FRMD4A: variants seen among roughly 807,000 people sequenced by gnomAD.
The protein encoded by FRMD4A is FERM domain containing 4A.
Under a neutral mutation model 129.1 loss-of-function variants are expected in FRMD4A, and 29 were observed. The observed-to-expected ratio is 0.22, with a 90% CI of 0.17 to 0.31. The LOEUF (loss-of-function observed/expected upper bound fraction) is 0.31. Among genes scored for constraint, FRMD4A ranks in the 10% least tolerant of loss-of-function variants. The pLI, the probability that FRMD4A is intolerant of heterozygous loss-of-function variation, is 1.00. For synonymous variants in FRMD4A, 634 were observed against 571.6 expected (o/e 1.11, Z -1.56); for missense variants, 1,272 against 1,375.8 (o/e 0.92, Z 1.19).
chr10:13,894,636 C>T (rs1312987044), intron 2 of FRMD4A, among the ~76,000 whole-genome samples: 3 of 152,204 alleles, frequency 2.0e-5, no homozygotes, highest in Non-Finnish European at 4.4e-5. Flanking sequence ...TTCCTGCTTC[C>T]TCTCCCTGGA....
intron 12 of FRMD4A, among the ~76,000 whole-genome samples, chr10:13,717,692 G>GTTTTTTTTTT (rs35059886): frequency 3.1e-5 from 3 of 95,242 alleles, no homozygotes; most frequent in Non-Finnish European, 5.7e-5. Flanking sequence ...TGTTGTTCTT[G>GTTTTTTTTTT]TTTTTTTTTT....
intron 3 of FRMD4A, among the ~76,000 whole-genome samples, chr10:13,845,266 T>C (rs973176613): frequency 2.0e-5 from 3 of 152,154 alleles, no homozygotes; most frequent in African/African-American, 4.8e-5. Context: ...CCTTGACACA[T>C]GAGTTATATA....
At chr10:13,780,068 G>C (rs572573172) in intron 6 of FRMD4A, among the ~76,000 whole-genome samples, 55 of 152,316 alleles carry the variant, frequency 3.6e-4, no homozygotes, top group African/African-American at 1.3e-3. Flanking sequence ...GCTCACACCT[G>C]TAATCCCAAC....
At chr10:13,993,851 T>TA (rs1565164639) in intron 2 of FRMD4A, among the ~76,000 whole-genome samples, 7 of 147,742 alleles carry the variant, frequency 4.7e-5, no homozygotes, top group East Asian at 4.2e-4. Context: ...TTTTTTTTTT[T>TA]TAAAAAAATA....
intron 2 of FRMD4A, among the ~76,000 whole-genome samples, chr10:14,245,890 G>A (rs1183533570): frequency 2.0e-5 from 3 of 152,134 alleles, no homozygotes; most frequent in African/African-American, 7.2e-5. Context: ...TCCAGTGCGG[G>A]GAGCCAGACC....
intron 2 of FRMD4A, among the ~76,000 whole-genome samples, chr10:14,273,059 TACACACACAC>T (rs59318900): frequency 2.6e-4 from 38 of 144,006 alleles, no homozygotes; most frequent in Non-Finnish European, 3.0e-4. Context: ...TTACCAGAAA[TACACACACAC>T]ACACACACAC....
At chr10:13,901,824 C>T (rs59543861) in intron 2 of FRMD4A, among the ~76,000 whole-genome samples, 5,865 of 152,052 alleles carry the variant, frequency 0.039, 240 homozygotes, top group South Asian at 0.18. Context: ...CTTCTCAGAG[C>T]GGGGACAGGG....
At chr10:13,760,557 C>T (rs1424067217) in intron 8 of FRMD4A, among the ~76,000 whole-genome samples, 4 of 151,870 alleles carry the variant, frequency 2.6e-5, no homozygotes, top group African/African-American at 9.7e-5. Context: ...AAAAAGCAAG[C>T]ATGAGAAGTG....
At chr10:14,018,580 G>A (rs2095706658) in intron 2 of FRMD4A, among the ~76,000 whole-genome samples, 1 of 152,060 alleles carries the variant, frequency 6.6e-6, no homozygotes, top group African/African-American at 2.4e-5. Flanking sequence ...CTTTTAGGGA[G>A]GAAGTGACAC....
intron 2 of FRMD4A, among the ~76,000 whole-genome samples, chr10:14,129,303 C>CA (rs11370729): frequency 0.045 from 6,248 of 139,118 alleles, 489 homozygotes; most frequent in African/African-American, 0.16. Context: ...AACAATGAAA[C>CA]AAAAAAATCG....
intron 4 of FRMD4A, among the ~76,000 whole-genome samples, chr10:13,802,304 G>A (rs1437972648): frequency 1.3e-5 from 2 of 152,216 alleles, no homozygotes; most frequent in Non-Finnish European, 2.9e-5. Flanking sequence ...CTGGTGGGTG[G>A]AGGTGTGTGA....
chr10:13,730,972 G>A (rs1402206959), intron 12 of FRMD4A, among the ~76,000 whole-genome samples: 2 of 151,154 alleles, frequency 1.3e-5, no homozygotes, highest in African/African-American at 4.9e-5. Context: ...AGGTTGCAGT[G>A]AGCCAATATC....
At chr10:14,249,781 A>T (rs897517976) in intron 2 of FRMD4A, among the ~76,000 whole-genome samples, 3 of 152,214 alleles carry the variant, frequency 2.0e-5, no homozygotes, top group Non-Finnish European at 4.4e-5. Context: ...TACAGGATGG[A>T]AGACAAAGCA....
intron 2 of FRMD4A, among the ~76,000 whole-genome samples, chr10:14,012,509 G>T (rs11258794): frequency 0.03 from 4,502 of 152,216 alleles, 97 homozygotes; most frequent in East Asian, 0.089. Context: ...TGGCGGGAAT[G>T]GGGGGAATGT....
chr10:13,943,675 A>AAAAAAAAAAAAAAAAAAAAAAAG (rs2095310696), intron 2 of FRMD4A, among the ~76,000 whole-genome samples: 1 of 123,694 alleles, frequency 8.1e-6, no homozygotes, highest in African/African-American at 2.8e-5. Flanking sequence ...AAAAAAAAAA[A>AAAAAAAAAAAAAAAAAAAAAAAG]AAAAGAAAAA....
intron 2 of FRMD4A, among the ~76,000 whole-genome samples, chr10:13,971,312 G>A (rs1400803061): frequency 6.6e-6 from 1 of 152,180 alleles, no homozygotes; most frequent in Non-Finnish European, 1.5e-5. Flanking sequence ...AAATCACCAG[G>A]CTCTGTCTGG....
At chr10:13,917,974 A>T (rs1043412727) in intron 2 of FRMD4A, among the ~76,000 whole-genome samples, 1 of 152,094 alleles carries the variant, frequency 6.6e-6, no homozygotes, top group Non-Finnish European at 1.5e-5. Flanking sequence ...ACTGTAAATC[A>T]CTCTACAAAA....
intron 2 of FRMD4A, among the ~76,000 whole-genome samples, chr10:14,134,248 AATGG>A (rs60021621): frequency 0.08 from 12,038 of 149,702 alleles, 703 homozygotes; most frequent in African/African-American, 0.15. Context: ...AATTGGAAAG[AATGG>A]ATGGATGGAT....
chr10:13,758,590 G>C (rs1338764883), intron 8 of FRMD4A, among the ~76,000 whole-genome samples: 1 of 152,202 alleles, frequency 6.6e-6, no homozygotes, highest in African/African-American at 2.4e-5. Context: ...CTAGGAGAAG[G>C]GGGTGGAGCC....
Sources: allele counts gnomAD v4.1 joint callset (sites outside exome capture counted in the v4.1 genomes callset), GRCh38; gene constraint gnomAD v4.1.1; transcripts MANE v1.5; gene names NCBI Gene and HGNC (gene_info 2026-07-23, HGNC 2026-07-21).